DLG2: variants seen among roughly 807,000 people sequenced by gnomAD.
The protein encoded by DLG2 is disks large homolog 2.
In DLG2, 45 loss-of-function variants were observed where a neutral mutation model predicts 132.5. The ratio of observed to expected loss-of-function variants is 0.34; its 90% confidence interval spans 0.27 to 0.44. The LOEUF is 0.44. DLG2 is among the 20% of genes least tolerant of loss of function. The pLI, the probability that DLG2 is intolerant of heterozygous loss-of-function variation, is 1.00. For missense variants in DLG2, 1,045 were observed against 1,196.9 expected, an observed-to-expected ratio of 0.87 and a Z score of 1.87; for synonymous variants, 424 against 419.6, an observed-to-expected ratio of 1.01 and a Z score of -0.13.
chr11:84,729,370 C>T (rs943113113), intron 6 of DLG2, among the ~76,000 whole-genome samples: 5 of 152,110 alleles, frequency 3.3e-5, no homozygotes, highest in African/African-American at 1.2e-4. Context: ...TTTTCAGTTT[C>T]CATGTAGTTG....
chr11:83,911,582 T>C (rs1197564638), intron 15 of DLG2, among the ~76,000 whole-genome samples: 3 of 152,098 alleles, frequency 2.0e-5, no homozygotes, highest in Non-Finnish European at 4.4e-5. Flanking sequence ...TACAGCAAAA[T>C]TGTCCATCTC....
At chr11:83,830,340 GT>G in intron 17 of DLG2, among the ~76,000 whole-genome samples, 1 of 152,260 alleles carries the variant, frequency 6.6e-6, no homozygotes, top group African/African-American at 2.4e-5. Context: ...ATACTTGCGA[GT>G]TTTCTTTGTC....
At position 84,500,661 on chromosome 11, in the gene DLG2, T is replaced by C. The variant is rs972543079; in HGVS notation, c.519+33909A>G. The stretch of plus-strand genomic sequence containing the variant: ...TCAGAGCTCCAGAGCATCTAGGAAG[T>C]GTCCCTGTTTTGAATTGGAGACAAA... On this transcript the variant is annotated intron_variant, in intron 7 of 27. Transcript: ENST00000376104. Among the ~76,000 whole-genome samples the C allele has an allele frequency of 6.6e-5, 10 of 152,306 alleles. 1 individual carries two copies. Among genetic ancestry groups the C allele is most frequent in the Admixed American group, 4.6e-4 (7 of 15,306 alleles).
intron 6 of DLG2, among the ~76,000 whole-genome samples, chr11:84,809,391 C>T (rs2076323049): frequency 6.6e-6 from 1 of 151,316 alleles, no homozygotes. Context: ...ATATCTTTCC[C>T]ACCACTCTTA....
chr11:84,464,727 C>A (rs963503289), intron 7 of DLG2, among the ~76,000 whole-genome samples: 1 of 150,884 alleles, frequency 6.6e-6, no homozygotes. Flanking sequence ...TTATAGTGGA[C>A]TTGAATAAGC....
chr11:85,526,810 C>G (rs2074790143), intron 3 of DLG2, among the ~76,000 whole-genome samples: 2 of 152,104 alleles, frequency 1.3e-5, no homozygotes, highest in Non-Finnish European at 2.9e-5. Context: ...GACCTTTGTA[C>G]TTGTTTTTTT....
intron 21 of DLG2, among the ~76,000 whole-genome samples, chr11:83,509,510 C>T (rs1245287565): frequency 6.6e-6 from 1 of 152,114 alleles, no homozygotes; most frequent in Admixed American, 6.5e-5. Flanking sequence ...ATTCACAGTG[C>T]TTTTTTCCTT....
At chr11:84,420,645 G>GTTTTTTTT (rs1567588759) in intron 7 of DLG2, among the ~76,000 whole-genome samples, 14 of 48,910 alleles carry the variant, frequency 2.9e-4, no homozygotes, top group Non-Finnish European at 6.4e-4. Flanking sequence ...ACCAATGCTT[G>GTTTTTTTT]TTTTCTTTTT....
intron 18 of DLG2, among the ~76,000 whole-genome samples, chr11:83,780,709 A>G (rs1291031787): frequency 6.6e-6 from 1 of 152,156 alleles, no homozygotes; most frequent in Non-Finnish European, 1.5e-5. Context: ...TGGTATTTAG[A>G]TGGGCGGGGT....
At chr11:84,066,121 T>C (rs1190169400) in intron 10 of DLG2, among the ~76,000 whole-genome samples, 1 of 152,170 alleles carries the variant, frequency 6.6e-6, no homozygotes, top group African/African-American at 2.4e-5. Flanking sequence ...TCAGGTATTA[T>C]GCTTATTACC....
intron 3 of DLG2, among the ~76,000 whole-genome samples, chr11:85,340,146 C>T (rs1389173279): frequency 6.6e-6 from 1 of 152,160 alleles, no homozygotes; most frequent in African/African-American, 2.4e-5. Flanking sequence ...TTGGTATATA[C>T]CCAAAGGATT....
chr11:84,591,868 T>C (rs898012179), intron 6 of DLG2, among the ~76,000 whole-genome samples: 1 of 152,014 alleles, frequency 6.6e-6, no homozygotes, highest in African/African-American at 2.4e-5. Flanking sequence ...AAAATTTATT[T>C]TTTTGGAGAC....
At chr11:83,536,560 G>C (rs369957129) in intron 20 of DLG2, among the ~76,000 whole-genome samples, 2,609 of 131,980 alleles carry the variant, frequency 0.02, 76 homozygotes, top group African/African-American at 0.07. Context: ...TCTAAATAAC[G>C]TGGTGTTTTT....
intron 18 of DLG2, among the ~76,000 whole-genome samples, chr11:83,708,068 A>G (rs2153657169): frequency 6.6e-6 from 1 of 152,360 alleles, no homozygotes. Flanking sequence ...TTATTACATG[A>G]AATTTACGTA....
intron 6 of DLG2, among the ~76,000 whole-genome samples, chr11:84,548,780 A>G (rs947901882): frequency 6.6e-6 from 1 of 152,096 alleles, no homozygotes; most frequent in Non-Finnish European, 1.5e-5. Context: ...AGCCCATCTA[A>G]ACCCCAGGTC....
At chr11:83,502,098 C>T (rs985554844) in intron 21 of DLG2, among the ~76,000 whole-genome samples, 1 of 152,244 alleles carries the variant, frequency 6.6e-6, no homozygotes, top group East Asian at 1.9e-4. Context: ...ACTCATATAG[C>T]GGATACTTTT....
intron 9 of DLG2, among the ~76,000 whole-genome samples, chr11:84,138,316 A>G (rs2094690255): frequency 6.6e-6 from 1 of 152,214 alleles, no homozygotes. Context: ...CTTATTCAGA[A>G]CAGCCAAGTC....
intron 3 of DLG2, among the ~76,000 whole-genome samples, chr11:85,348,466 G>C (rs984452823): frequency 1.3e-5 from 2 of 151,520 alleles, no homozygotes; most frequent in Non-Finnish European, 2.9e-5. Flanking sequence ...CTCGTGATCC[G>C]CCCGCCTCGA....
rs143513993 is a variant in DLG2 at position 83,769,625 on chromosome 11, G to A, written c.1825+17065C>T. Among the ~76,000 whole-genome samples the A allele has an allele frequency of 1.9e-3, 287 of 149,380 alleles. 3 individuals carry two copies. Among genetic ancestry groups the A allele is most frequent in the South Asian group, 0.016 (73 of 4,704 alleles). Reference sequence around the variant, plus strand: ...GTCGCCCAGGCTGGAGTGCAATGGCGCAATCTCAGCTCACTGCAACCTTCT... The same window carrying A: ...GTCGCCCAGGCTGGAGTGCAATGGCACAATCTCAGCTCACTGCAACCTTCT... On this transcript the variant is annotated intron_variant, in intron 18 of 27. Coordinates refer to ENST00000376104, the MANE Select transcript of DLG2 (RefSeq NM_001142699.3).
Sources: allele counts gnomAD v4.1 joint callset (sites outside exome capture counted in the v4.1 genomes callset), GRCh38; gene constraint gnomAD v4.1.1; transcripts MANE v1.5; gene names NCBI Gene and HGNC (gene_info 2026-07-23, HGNC 2026-07-21).